The following GPD2 variants were observed in gnomAD, a reference collection of about 807,000 sequenced individuals.
The protein encoded by GPD2 is glycerol-3-phosphate dehydrogenase, mitochondrial.
Under a neutral mutation model 82.4 loss-of-function variants are expected in GPD2, and 54 were observed. The observed-to-expected ratio is 0.66, with a 90% CI of 0.53 to 0.82. GPD2 has a LOEUF of 0.82. Among genes scored for constraint, GPD2 ranks in the 40% least tolerant of loss-of-function variants. GPD2 has a pLI of 0.00. For missense variants in GPD2, 748 were observed against 896.2 expected (o/e 0.83, Z 2.11); for synonymous variants, 288 against 306.1 (o/e 0.94, Z 0.62).
chr2:156,489,784 C>T (rs1684100381), intron 2 of GPD2, among the ~76,000 whole-genome samples: 1 of 33,736 alleles, frequency 3.0e-5, no homozygotes, highest in South Asian at 1.4e-3. Context: ...CTCCTCTCCC[C>T]TCCGCTCCCC....
intron 1 of GPD2, among the ~76,000 whole-genome samples, chr2:156,453,211 G>A (rs1682676646): frequency 6.6e-6 from 1 of 152,144 alleles, no homozygotes; most frequent in Admixed American, 6.5e-5. Flanking sequence ...TAACTGGTTT[G>A]GGGGTTTGCC....
intron 1 of GPD2, among the ~76,000 whole-genome samples, chr2:156,452,203 G>A (rs1183365853): frequency 6.6e-6 from 1 of 152,212 alleles, no homozygotes; most frequent in African/African-American, 2.4e-5. Flanking sequence ...CAAGGCAGGC[G>A]GCTGGGAGGT....
At chr2:156,487,023 T>C (rs1683969484) in intron 2 of GPD2, among the ~76,000 whole-genome samples, 5 of 152,304 alleles carry the variant, frequency 3.3e-5, no homozygotes. Flanking sequence ...GAAAAAGTGC[T>C]GGCTGGGTGC....
At chr2:156,557,349 T>G (rs369671755) in intron 8 of GPD2, 40 bp from the exon 9 acceptor site, 1 of 1,257,464 alleles carries the variant, frequency 8.0e-7, no homozygotes, top group Non-Finnish European at 1.2e-6. Context: ...GTTAAACTTC[T>G]GGGATTTTCA....
At chr2:156,454,774 G>T (rs1214843654) in intron 1 of GPD2, among the ~76,000 whole-genome samples, 1 of 152,054 alleles carries the variant, frequency 6.6e-6, no homozygotes, top group African/African-American at 2.4e-5. Context: ...GGGCTGTGGA[G>T]CATGCTAGGG....
Position 156,570,732 on chromosome 2 carries a change from A to G in GPD2, c.1609-402A>G, listed in dbSNP as rs545432889. 2.0e-4 allele frequency among the ~76,000 whole-genome samples: 31 copies of G among 152,176 alleles called. 1 individual carries two copies. The highest frequency in any genetic ancestry group is 2.9e-5 in the Non-Finnish European group (2 of 68,028). On this transcript the variant is annotated intron_variant, in intron 12 of 16. Transcript: ENST00000438166. ...TATTCTGGTTACTCTAAGACAAAAA[A>G]CTATACAGACTAAAGAGGTGAGATC...
At chr2:156,518,766 C>T (rs906241415) in intron 6 of GPD2, among the ~76,000 whole-genome samples, 2 of 152,124 alleles carry the variant, frequency 1.3e-5, no homozygotes, top group African/African-American at 4.8e-5. Context: ...TATTTGTAAA[C>T]AGAGTTGTTG....
At chr2:156,549,491 A>T (rs1036643406) in intron 6 of GPD2, 117 bp from the exon 7 acceptor site, 2 of 904,380 alleles carry the variant, frequency 2.2e-6, no homozygotes, top group Non-Finnish European at 3.7e-6. Context: ...CCCAGCCATC[A>T]TGCATATCCT....
upstream of GPD2, among the ~76,000 whole-genome samples, chr2:156,432,552 G>C (rs1688330179): frequency 6.6e-6 from 1 of 152,096 alleles, no homozygotes; most frequent in African/African-American, 2.4e-5. Flanking sequence ...ACGGCCTGCA[G>C]CTGCATCCAT....
At position 156,509,765 on chromosome 2, in the gene GPD2, C is replaced by CTTTTTTTTTT. The variant is rs60361072; in HGVS notation, c.275-1021_275-1012dup. On this transcript the variant is annotated intron_variant, in intron 3 of 16. Coordinates refer to ENST00000438166, the MANE Select transcript of GPD2 (RefSeq NM_000408.5). ...CTTTCCTTATCAAGAATATGTTCTT[C>CTTTTTTTTTT]TTTTTTTTTTTTTTTTTTTATTTCC... is the stretch of plus-strand genomic sequence containing the variant. Among the ~76,000 whole-genome samples, 70 of 117,362 alleles carry CTTTTTTTTTT rather than the reference C, an allele frequency of 6.0e-4. 1 individual carries two copies. The highest frequency in any genetic ancestry group is 7.7e-4 in the East Asian group (3 of 3,908). 77.0% of individuals were successfully genotyped at this position (117,362 alleles called of 152,430 possible). A position where few individuals can be genotyped will look rare whatever the true frequency, so the allele number is the denominator to read the frequency against.
At chr2:156,493,926 A>ATGTGTG (rs542950582) in intron 2 of GPD2, among the ~76,000 whole-genome samples, 184 of 136,316 alleles carry the variant, frequency 1.3e-3, no homozygotes, top group South Asian at 4.0e-3. Context: ...ATATATATGT[A>ATGTGTG]TGTGTGTGTG....
chr2:156,420,598 A>G, the GPD2 span, among the ~76,000 whole-genome samples: 6 of 152,256 alleles, frequency 3.9e-5, no homozygotes, highest in Admixed American at 3.3e-4. Flanking sequence ...GTTGGTCAAT[A>G]GAAACTAACA....
intron 1 of GPD2, among the ~76,000 whole-genome samples, chr2:156,451,886 C>G (rs1458675085): frequency 2.0e-5 from 3 of 148,108 alleles, no homozygotes; most frequent in South Asian, 2.2e-4. Flanking sequence ...ACGGGGCGGC[C>G]GGGCAGAGAC....
chr2:156,556,818 T>G (rs1686979971), intron 8 of GPD2, among the ~76,000 whole-genome samples: 1 of 152,186 alleles, frequency 6.6e-6, no homozygotes, highest in African/African-American at 2.4e-5. Context: ...GGAAATCTCA[T>G]ATTTGGTGAA....
the GPD2 span, among the ~76,000 whole-genome samples, chr2:156,413,731 C>A: frequency 3.3e-5 from 5 of 150,720 alleles, no homozygotes; most frequent in Non-Finnish European, 5.9e-5. Flanking sequence ...AAGGTGAGAC[C>A]CTGTCTCTAC....
chr2:156,471,407 C>A (rs965041425), intron 1 of GPD2, among the ~76,000 whole-genome samples: 2 of 152,218 alleles, frequency 1.3e-5, no homozygotes, highest in Non-Finnish European at 2.9e-5. Context: ...TAATCTACAG[C>A]CTCTACTCCC....
intron 6 of GPD2, among the ~76,000 whole-genome samples, chr2:156,514,718 AT>A (rs1260027147): frequency 6.6e-6 from 1 of 152,184 alleles, no homozygotes. Context: ...TTAGGTAAAC[AT>A]TAAAAGCTAG....
intron 6 of GPD2, among the ~76,000 whole-genome samples, chr2:156,541,043 C>T (rs1173558061): frequency 6.6e-6 from 1 of 152,150 alleles, no homozygotes; most frequent in African/African-American, 2.4e-5. Flanking sequence ...ATAATAAAAG[C>T]TAATATTTAT....
chr2:156,572,722 G>A (rs1403216853), intron 13 of GPD2, among the ~76,000 whole-genome samples: 1 of 152,108 alleles, frequency 6.6e-6, no homozygotes, highest in Non-Finnish European at 1.5e-5. Flanking sequence ...GAAGAATCCA[G>A]GAAAAAGAGA....
Sources: allele counts gnomAD v4.1 joint callset (sites outside exome capture counted in the v4.1 genomes callset), GRCh38; gene constraint gnomAD v4.1.1; transcripts MANE v1.5; gene names NCBI Gene and HGNC (gene_info 2026-07-23, HGNC 2026-07-21).